Variants in ADGRB3 observed in about 807,000 individuals in gnomAD.
The protein encoded by ADGRB3 is brain-specific angiogenesis inhibitor 3.
In ADGRB3, 37 loss-of-function variants were observed where a neutral mutation model predicts 193.4. That is an observed-to-expected ratio of 0.19 (90% CI 0.15 to 0.25). The LOEUF (loss-of-function observed/expected upper bound fraction) is 0.25. Among genes scored for constraint, ADGRB3 ranks in the 10% least tolerant of loss-of-function variants. The probability of loss-of-function intolerance (pLI) is 1.00; values close to 1 mark genes in which losing one functional copy is unlikely to be tolerated. For synonymous variants in ADGRB3, 690 were observed against 644.2 expected, an observed-to-expected ratio of 1.07 and a Z score of -1.08; for missense variants, 1,637 against 1,852.9, an observed-to-expected ratio of 0.88 and a Z score of 2.14.
intron 3 of ADGRB3, among the ~76,000 whole-genome samples, chr6:68,885,685 G>C (rs887781051): frequency 3.9e-5 from 6 of 152,142 alleles, no homozygotes; most frequent in Admixed American, 3.9e-4. Context: ...GATACAGAAA[G>C]GGGAGATATT....
intron 3 of ADGRB3, among the ~76,000 whole-genome samples, chr6:68,677,521 CTTTT>C (rs1002070733): frequency 8.3e-6 from 1 of 120,336 alleles, no homozygotes; most frequent in South Asian, 2.7e-4. Context: ...TTCTTTTTTT[CTTTT>C]TTTTTTTTTT....
chr6:68,937,415 G>A (rs1379416949), intron 5 of ADGRB3, among the ~76,000 whole-genome samples: 20 of 152,054 alleles, frequency 1.3e-4, no homozygotes, highest in Admixed American at 1.3e-3. Flanking sequence ...TAGGACTCTG[G>A]GCTTTGTTTC....
At chr6:69,074,752 A>G (rs576153797) in intron 16 of ADGRB3, among the ~76,000 whole-genome samples, 41 of 151,950 alleles carry the variant, frequency 2.7e-4, no homozygotes, top group African/African-American at 5.8e-4. Context: ...TCACTGTGTT[A>G]GCCAGGATGG....
At chr6:69,106,189 GAAAAGAA>G in intron 17 of ADGRB3, among the ~76,000 whole-genome samples, 1 of 106,018 alleles carries the variant, frequency 9.4e-6, no homozygotes, top group Non-Finnish European at 2.0e-5. Context: ...AAAAAGAAAA[GAAAAGAA>G]AAAAGAAAAG....
intron 17 of ADGRB3, among the ~76,000 whole-genome samples, chr6:69,143,151 T>A (rs1774387238): frequency 6.6e-6 from 1 of 152,232 alleles, no homozygotes; most frequent in Admixed American, 6.5e-5. Context: ...GAGCACCTTT[T>A]CATATACCAG....
At chr6:69,263,648 T>C (rs1450508411) in intron 20 of ADGRB3, among the ~76,000 whole-genome samples, 1 of 151,984 alleles carries the variant, frequency 6.6e-6, no homozygotes, top group Non-Finnish European at 1.5e-5. Flanking sequence ...AAGTCTGTCT[T>C]AAATGTGGGA....
At chr6:69,286,491 G>A (rs1767554733) in intron 20 of ADGRB3, among the ~76,000 whole-genome samples, 1 of 152,150 alleles carries the variant, frequency 6.6e-6, no homozygotes, top group African/African-American at 2.4e-5. Flanking sequence ...ATCAACAAAG[G>A]TTCTGTGTGC....
At chr6:68,697,976 A>G (rs1284284008) in intron 3 of ADGRB3, among the ~76,000 whole-genome samples, 2 of 151,618 alleles carry the variant, frequency 1.3e-5, no homozygotes, top group East Asian at 1.9e-4. Flanking sequence ...GATCAAATGG[A>G]CATATAGAGA....
chr6:69,183,872 G>A (rs558955331), intron 17 of ADGRB3, among the ~76,000 whole-genome samples: 2 of 152,110 alleles, frequency 1.3e-5, no homozygotes, highest in African/African-American at 4.8e-5. Context: ...GTGTTTCCGG[G>A]ACATGGACAA....
At chr6:69,295,076 C>T (rs1767781062) in intron 20 of ADGRB3, among the ~76,000 whole-genome samples, 1 of 152,134 alleles carries the variant, frequency 6.6e-6, no homozygotes, top group Admixed American at 6.6e-5. Context: ...ACACTGCCAA[C>T]ATTTGGCAAC....
At chr6:69,219,357 A>C (rs1765839679) in intron 17 of ADGRB3, among the ~76,000 whole-genome samples, 1 of 150,710 alleles carries the variant, frequency 6.6e-6, no homozygotes, top group South Asian at 2.1e-4. Context: ...CTCCAGATGA[A>C]CTTTATATCA....
At chr6:69,236,552 G>T (rs530330494) in intron 19 of ADGRB3, among the ~76,000 whole-genome samples, 2 of 152,080 alleles carry the variant, frequency 1.3e-5, no homozygotes, top group Admixed American at 6.6e-5. Context: ...TTAAATAACA[G>T]TTGTTCAAAA....
chr6:69,081,519 A>G (rs947329499), intron 17 of ADGRB3, among the ~76,000 whole-genome samples: 9 of 151,998 alleles, frequency 5.9e-5, no homozygotes, highest in Non-Finnish European at 1.2e-4. Flanking sequence ...ACAATTAAAG[A>G]TTTATTGGTG....
At chr6:68,814,500 C>T (rs1375308904) in intron 3 of ADGRB3, among the ~76,000 whole-genome samples, 1 of 152,066 alleles carries the variant, frequency 6.6e-6, no homozygotes, top group Admixed American at 6.6e-5. Context: ...CTGTAGGTTG[C>T]CTGTTCACTC....
intron 3 of ADGRB3, among the ~76,000 whole-genome samples, chr6:68,768,934 A>G (rs928427608): frequency 1.3e-5 from 2 of 152,236 alleles, no homozygotes; most frequent in Admixed American, 6.5e-5. Context: ...AACATACGAA[A>G]AAAAAGCTCA....
chr6:68,661,861 T>C (rs967147134), intron 3 of ADGRB3, among the ~76,000 whole-genome samples: 2 of 151,038 alleles, frequency 1.3e-5, no homozygotes, highest in Non-Finnish European at 3.0e-5. Context: ...AATGGGACCA[T>C]GATGAGGCTT....
At chr6:68,780,674 C>G (rs1311558161) in intron 3 of ADGRB3, among the ~76,000 whole-genome samples, 1 of 152,028 alleles carries the variant, frequency 6.6e-6, no homozygotes, top group Non-Finnish European at 1.5e-5. Flanking sequence ...TTCTGGTGTG[C>G]TAAGCACAAG....
chr6:68,800,386 G>A (rs1356643271), intron 3 of ADGRB3, among the ~76,000 whole-genome samples: 1 of 152,174 alleles, frequency 6.6e-6, no homozygotes, highest in African/African-American at 2.4e-5. Flanking sequence ...TGTCAGATGT[G>A]TGTTTGACTG....
At chr6:69,294,166 T>C (rs2127293771) in intron 20 of ADGRB3, among the ~76,000 whole-genome samples, 1 of 147,780 alleles carries the variant, frequency 6.8e-6, no homozygotes, top group South Asian at 2.1e-4. Flanking sequence ...TTCTGATTGA[T>C]ATAGCTTGTT....
Sources: gnomAD v4.1 joint callset for allele counts (sites outside exome capture counted in the v4.1 genomes callset) on GRCh38, gnomAD v4.1.1 for gene constraint, MANE v1.5 for transcripts, NCBI Gene and HGNC (gene_info 2026-07-23, HGNC 2026-07-21) for gene names.